The following HTRA1 variants were observed in gnomAD, a reference collection of about 807,000 sequenced individuals.
HTRA1 encodes the protein serine protease HTRA1.
Under a neutral mutation model 49.7 loss-of-function variants are expected in HTRA1, and 26 were observed. That is an observed-to-expected ratio of 0.52 (90% CI 0.38 to 0.73). The LOEUF (loss-of-function observed/expected upper bound fraction) is 0.73, where lower values mean the gene tolerates loss of function less well. Ranked by LOEUF, HTRA1 falls within the 30% of genes least tolerant of loss-of-function variation. HTRA1 has a pLI of 0.00. For missense variants in HTRA1, 561 were observed against 667.2 expected, an observed-to-expected ratio of 0.84 and a Z score of 1.75; for synonymous variants, 291 against 286.9, an observed-to-expected ratio of 1.01 and a Z score of -0.14.
intron 6 of HTRA1, 30 bp downstream of exon 6, chr10:122,508,800 T>A (rs1475574770): frequency 7.5e-7 from 1 of 1,325,648 alleles, no homozygotes; most frequent in Non-Finnish European, 1.1e-6. Flanking sequence ...CCCTGGGGAC[T>A]CCGGAGATGG....
At chr10:122,503,692 C>T (rs1208519627) in intron 3 of HTRA1, among the ~76,000 whole-genome samples, 1 of 152,128 alleles carries the variant, frequency 6.6e-6, no homozygotes. Context: ...TAGCTCAACT[C>T]CTAATGGTGC....
chr10:122,507,472 TTTG>T, intron 5 of HTRA1, 70 bp downstream of exon 5: 2 of 1,154,156 alleles, frequency 1.7e-6, no homozygotes, highest in Admixed American at 3.5e-5. Flanking sequence ...TGTTTGTTTG[TTTG>T]TTGTTTGTTT....
intron 1 of HTRA1, among the ~76,000 whole-genome samples, chr10:122,486,530 G>A (rs561635652): frequency 1.3e-5 from 2 of 152,322 alleles, no homozygotes; most frequent in South Asian, 2.1e-4. Flanking sequence ...AAGAAAGCAA[G>A]CGTGGGAGAG....
At position 122,511,975 on chromosome 10, in the gene HTRA1, C is replaced by A; in HGVS notation, c.1184C>A (p.Ala395Asp). The A allele has an allele frequency of 6.2e-7, 1 of 1,613,596 alleles. No individual in the cohort carries two copies. The highest frequency in any genetic ancestry group is 8.5e-7 in the Non-Finnish European group (1 of 1,179,714). ...GTGCTTTTTCTCTGGAGCAGCAAAGCCAAAGAGCTGAAGGACCGGCACCGG... is the reference window on the plus strand; with the variant it reads ...GTGCTTTTTCTCTGGAGCAGCAAAGACAAAGAGCTGAAGGACCGGCACCGG... ...IRMMSLTSSK[A>D]KELKDRHRDF... Residue 395 changes from alanine to aspartate, a missense_variant, in exon 8 of 9, where the codon GCC (alanine) becomes GAC (aspartate). Around this residue, in one of 3 missense-constraint regions of HTRA1, gnomAD observed 179 missense variants for 173.4 expected, o/e 1.03. Transcript: ENST00000368984.
At chr10:122,501,813 C>G (rs146927799) in intron 3 of HTRA1, among the ~76,000 whole-genome samples, 1 of 151,898 alleles carries the variant, frequency 6.6e-6, no homozygotes, top group Non-Finnish European at 1.5e-5. Context: ...TGGTGGTGGC[C>G]GTCTTGTGGC....
chr10:122,486,947 G>A (rs1269795554), intron 1 of HTRA1, among the ~76,000 whole-genome samples: 1 of 151,858 alleles, frequency 6.6e-6, no homozygotes, highest in Non-Finnish European at 1.5e-5. Flanking sequence ...TAGTGTGTAT[G>A]TGTGAGTTTG....
chr10:122,479,519 C>T (rs2133431276), intron 1 of HTRA1, among the ~76,000 whole-genome samples: 1 of 152,198 alleles, frequency 6.6e-6, no homozygotes, highest in Admixed American at 6.5e-5. Context: ...ATAGTAGATG[C>T]TCTACAATAA....
chr10:122,503,199 G>A (rs865848741), intron 3 of HTRA1, among the ~76,000 whole-genome samples: 4 of 152,220 alleles, frequency 2.6e-5, no homozygotes, highest in African/African-American at 9.6e-5. Context: ...GGGGCTTCAC[G>A]GCGCCTGTGG....
intron 8 of HTRA1, among the ~76,000 whole-genome samples, chr10:122,513,736 T>C (rs1181218551): frequency 6.6e-6 from 1 of 151,726 alleles, no homozygotes; most frequent in African/African-American, 2.4e-5. Flanking sequence ...TTATTTTATT[T>C]TATTTTTTTT....
chr10:122,490,996 G>A lies in HTRA1; in HGVS notation c.777+1370G>A, dbSNP rs937459701. ...CTGGGTAGATATAGGCTCTGTGCCC[G>A]GTGTGTGTAACTGGCCTTGAGTGAG... On this transcript the variant is annotated intron_variant, in intron 3 of 8. Transcript: ENST00000368984. The surrounding 1 kb of genome is among the most constrained non-coding windows in gnomAD (Gnocchi z 4.2). Among the ~76,000 whole-genome samples the A allele has an allele frequency of 1.1e-4, 16 of 152,140 alleles. No homozygotes were observed. Among genetic ancestry groups the A allele is most frequent in the Non-Finnish European group, 1.9e-4 (13 of 68,022 alleles).
Position 122,514,724 on chromosome 10 carries a change from C to T in HTRA1, c.*365C>T. 3.1e-6 allele frequency: 1 copy of T among 321,658 alleles called. No homozygotes were observed. The allele number at this position is 321,658 out of a possible 1,614,324, so 19.9% of individuals were successfully genotyped here. A position where few individuals can be genotyped will look rare whatever the true frequency, so the allele number is the denominator to read the frequency against. ...TAGATAGAAGAAGCCCCACGGGAGC[C>T]AGGATGGGACTGGTCGTGTTTGTGC... is the stretch of plus-strand genomic sequence containing the variant. On this transcript the variant is annotated 3_prime_UTR_variant, in exon 9 of 9. Transcript: ENST00000368984.
chr10:122,462,881 A>G (rs2097482162), intron 1 of HTRA1, among the ~76,000 whole-genome samples: 1 of 152,256 alleles, frequency 6.6e-6, no homozygotes, highest in South Asian at 2.1e-4. Context: ...CTCTGTTCCT[A>G]CAGCCGCACA....
intron 6 of HTRA1, 59 bp from the exon 7 acceptor site, chr10:122,510,037 G>A (rs2097504900): frequency 1.4e-6 from 2 of 1,472,038 alleles, no homozygotes; most frequent in Non-Finnish European, 9.5e-7. Context: ...GGCCCCTGGT[G>A]TCCCCAGCAC....
intron 3 of HTRA1, among the ~76,000 whole-genome samples, chr10:122,495,197 C>A (rs1308504444): frequency 1.3e-5 from 2 of 152,212 alleles, no homozygotes; most frequent in Admixed American, 6.5e-5. Flanking sequence ...GAATGCACAT[C>A]GCACTGCCCC....
intron 3 of HTRA1, among the ~76,000 whole-genome samples, chr10:122,496,909 G>A (rs890551540): frequency 6.6e-6 from 1 of 152,052 alleles, no homozygotes; most frequent in Non-Finnish European, 1.5e-5. Flanking sequence ...GTTGGTTCTG[G>A]TTCTTTGGGG....
chr10:122,510,234 G>A (rs1171245410), intron 7 of HTRA1, 81 bp downstream of exon 7: 10 of 1,141,416 alleles, frequency 8.8e-6, no homozygotes, highest in Admixed American at 6.9e-5. Flanking sequence ...ACCCCTGAAA[G>A]AGAAACCTTA....
chr10:122,483,535 T>C (rs1222485675), intron 1 of HTRA1, among the ~76,000 whole-genome samples: 1 of 152,228 alleles, frequency 6.6e-6, no homozygotes, highest in Non-Finnish European at 1.5e-5. Flanking sequence ...AGTTTTTTAT[T>C]TTGGAGAATT....
At position 122,506,340 on chromosome 10, in the gene HTRA1, T is replaced by C. The variant is rs1448826731; in HGVS notation, c.778-351T>C. Among the ~76,000 whole-genome samples the C allele has an allele frequency of 6.6e-6, 1 of 152,216 alleles. No individual in the cohort carries two copies. Among genetic ancestry groups the C allele is most frequent in the African/African-American group, 2.4e-5 (1 of 41,446 alleles). On this transcript the variant is annotated intron_variant, in intron 3 of 8. Coordinates refer to ENST00000368984, the MANE Select transcript of HTRA1 (RefSeq NM_002775.5). This position sits in a 1 kb window ranked among gnomAD's most constrained non-coding sequence, Gnocchi z 5.2. ...CACCCCAAACCCTAAATTCATGTTG[T>C]CTTCCTCTGTCTCTTGGCCTCAAGG...
intron 7 of HTRA1, among the ~76,000 whole-genome samples, chr10:122,511,744 AAT>A (rs773391235): frequency 4.8e-4 from 28 of 58,876 alleles, no homozygotes; most frequent in South Asian, 1.7e-3. Flanking sequence ...AAAAAAAAAA[AAT>A]AAATAAAAAA....
Sources: allele counts gnomAD v4.1 joint callset (sites outside exome capture counted in the v4.1 genomes callset), GRCh38; gene constraint gnomAD v4.1.1; regional missense constraint gnomAD v4.1.1; non-coding constraint Gnocchi (gnomAD v3.1); transcripts MANE v1.5; gene names NCBI Gene and HGNC (gene_info 2026-07-23, HGNC 2026-07-21).